Variants in RGS5 observed in about 807,000 individuals in gnomAD.
RGS5 encodes the protein regulator of G-protein signalling 5.
RGS5 carries 20 observed loss-of-function variants against 18.9 expected under a neutral mutation model. That is an observed-to-expected ratio of 1.06 (90% confidence interval 0.74 to 1.54). The LOEUF is 1.54. RGS5 is among the 40% of genes most tolerant of loss of function. The pLI, the probability that RGS5 is intolerant of heterozygous loss-of-function variation, is 0.00. For missense variants in RGS5, 201 were observed against 211.8 expected, an observed-to-expected ratio of 0.95 and a Z score of 0.32; for synonymous variants, 57 against 76.2, an observed-to-expected ratio of 0.75 and a Z score of 1.31.
chr1:163,220,704 AT>A (rs1647210742), upstream of RGS5, among the ~76,000 whole-genome samples: 2 of 152,144 alleles, frequency 1.3e-5, no homozygotes, highest in Non-Finnish European at 2.9e-5. Context: ...GGTAAAAGGG[AT>A]TCTGCAAAGG....
At chr1:163,243,385 C>T (rs2101692663) in intron 2 of RGS5, among the ~76,000 whole-genome samples, 1 of 152,186 alleles carries the variant, frequency 6.6e-6, no homozygotes, top group African/African-American at 2.4e-5. Context: ...CGGTGGCTCA[C>T]ATCTGTAATC....
chr1:163,270,910 T>C (rs1033974302), intron 2 of RGS5, among the ~76,000 whole-genome samples: 1 of 152,204 alleles, frequency 6.6e-6, no homozygotes, highest in African/African-American at 2.4e-5. Flanking sequence ...GGCCTTGGTC[T>C]TTCCCATTCC....
At chr1:163,238,187 T>A (rs537726445) in intron 2 of RGS5, 54 of 152,454 alleles carry the variant, frequency 3.5e-4, no homozygotes, top group African/African-American at 1.3e-3. Context: ...CACGACTGGC[T>A]GATAAAATAC....
chr1:163,185,606 G>T (rs1164029087), intron 1 of RGS5, among the ~76,000 whole-genome samples: 1 of 152,100 alleles, frequency 6.6e-6, no homozygotes, highest in African/African-American at 2.4e-5. Flanking sequence ...TTTCATGGGA[G>T]TCCCATTCTT....
chr1:163,257,818 C>A (rs536086032), intron 2 of RGS5, among the ~76,000 whole-genome samples: 3 of 152,290 alleles, frequency 2.0e-5, no homozygotes, highest in Admixed American at 6.5e-5. Context: ...GCTATACTTA[C>A]AATCTCCCTA....
intron 1 of RGS5, among the ~76,000 whole-genome samples, chr1:163,182,118 T>A (rs1187944472): frequency 6.6e-6 from 1 of 152,164 alleles, no homozygotes; most frequent in East Asian, 1.9e-4. Context: ...GTATCTTGCA[T>A]GTATGTGTTG....
At chr1:163,316,860 G>A (rs992567268) in intron 1 of RGS5, among the ~76,000 whole-genome samples, 3 of 152,086 alleles carry the variant, frequency 2.0e-5, no homozygotes, top group African/African-American at 7.2e-5. Context: ...TTTGTTAGAC[G>A]CATCATGTCT....
At chr1:163,300,580 G>C (rs2101641789) in intron 2 of RGS5, 1 of 152,234 alleles carries the variant, frequency 6.6e-6, no homozygotes, top group South Asian at 2.1e-4. Context: ...GCTCTTTTAA[G>C]ACTGAAAGTA....
At chr1:163,256,128 A>G (rs1056850940) in intron 2 of RGS5, among the ~76,000 whole-genome samples, 6 of 152,198 alleles carry the variant, frequency 3.9e-5, no homozygotes, top group South Asian at 2.1e-4. Flanking sequence ...AGGCAGGAGA[A>G]GGAAATAAAG....
chr1:163,311,251 A>G (rs1306051623), intron 1 of RGS5, among the ~76,000 whole-genome samples: 4 of 152,216 alleles, frequency 2.6e-5, no homozygotes, highest in African/African-American at 7.2e-5. Flanking sequence ...GCTCTGGATT[A>G]GGCTTTGGTT....
At position 163,202,819 on chromosome 1, in the gene RGS5, G is replaced by A. The variant is rs1439478729; in HGVS notation, c.17C>T (p.Ala6Val). Residue 6 changes from alanine to valine, a missense_variant, in exon 1 of 5, where the codon GCA becomes GTA. Transcript: ENST00000313961. MCKGL[A>V]ALPHSCLERA... is the part of the protein sequence containing the mutation. ...TTCCAGGCATGAGTGGGGCAAAGCT[G>A]CAAGTCCTTTGCACATTTTGGCAGG... 12 of 1,613,418 alleles carry A rather than the reference G, an allele frequency of 7.4e-6. No homozygotes were observed. Among genetic ancestry groups the A allele is most frequent in the African/African-American group, 1.3e-5 (1 of 74,904 alleles).
intron 2 of RGS5, among the ~76,000 whole-genome samples, chr1:163,261,680 C>A (rs1648436644): frequency 6.6e-6 from 1 of 152,134 alleles, no homozygotes; most frequent in Non-Finnish European, 1.5e-5. Flanking sequence ...TCCATTCTTT[C>A]CTGAAAGGTT....
chr1:163,231,067 C>T (rs772797330), intron 2 of RGS5, among the ~76,000 whole-genome samples: 2 of 152,174 alleles, frequency 1.3e-5, no homozygotes, highest in East Asian at 1.9e-4. Flanking sequence ...TACAGCAGAG[C>T]GGAGGCGGAG....
chr1:163,169,552 A>G (rs1325917688), intron 1 of RGS5, among the ~76,000 whole-genome samples: 2 of 152,106 alleles, frequency 1.3e-5, no homozygotes, highest in Non-Finnish European at 2.9e-5. Context: ...GATGATCGCC[A>G]TTCTAACTGG....
At position 163,142,372 on chromosome 1, in the gene RGS5, A is replaced by G. The variant is rs192831160; in HGVS notation, c.*4970T>C. The G allele has an allele frequency of 6.6e-6, 1 of 152,294 alleles. No individual in the cohort carries two copies. Among genetic ancestry groups the G allele is most frequent in the Admixed American group, 6.5e-5 (1 of 15,278 alleles). 9.4% of individuals were successfully genotyped at this position (152,294 alleles called of 1,614,324 possible). A position where few individuals can be genotyped will look rare whatever the true frequency, so the allele number is the denominator to read the frequency against. ...CAGATACATATTTGGTGCTTTATTTATCCAGAAGCATGAGTCACATAGTAC... is the reference window on the plus strand; with the variant it reads ...CAGATACATATTTGGTGCTTTATTTGTCCAGAAGCATGAGTCACATAGTAC... On this transcript the variant is annotated 3_prime_UTR_variant, in exon 5 of 5. Coordinates refer to ENST00000313961, the MANE Select transcript of RGS5 (RefSeq NM_003617.4).
intron 2 of RGS5, among the ~76,000 whole-genome samples, chr1:163,278,038 T>A (rs1648900691): frequency 6.6e-6 from 1 of 150,956 alleles, no homozygotes; most frequent in African/African-American, 2.4e-5. Context: ...GCAAAAAAAA[T>A]GCAAATGTTT....
upstream of RGS5, among the ~76,000 whole-genome samples, chr1:163,205,385 C>T (rs979754927): frequency 1.4e-5 from 2 of 142,906 alleles, no homozygotes; most frequent in South Asian, 2.2e-4. Context: ...GAGCCTACTA[C>T]GTAAAATAAA....
chr1:163,256,580 A>T (rs888947887), intron 2 of RGS5, among the ~76,000 whole-genome samples: 3 of 152,230 alleles, frequency 2.0e-5, no homozygotes, highest in African/African-American at 7.2e-5. Context: ...TTGCAACAGC[A>T]CCGTTGCTTA....
At chr1:163,314,118 C>T (rs1342387822) in intron 1 of RGS5, among the ~76,000 whole-genome samples, 1 of 151,946 alleles carries the variant, frequency 6.6e-6, no homozygotes, top group Non-Finnish European at 1.5e-5. Context: ...CACCTGGCAT[C>T]TGGTACATCT....
Sources: allele counts gnomAD v4.1 joint callset (sites outside exome capture counted in the v4.1 genomes callset), GRCh38; gene constraint gnomAD v4.1.1; transcripts MANE v1.5; gene names NCBI Gene and HGNC (gene_info 2026-07-23, HGNC 2026-07-21).